SETD1B: variants seen among roughly 807,000 people sequenced by gnomAD.
SETD1B encodes the protein histone-lysine N-methyltransferase SETD1B.
Under a neutral mutation model 148.0 loss-of-function variants are expected in SETD1B, and 7 were observed. The ratio of observed to expected loss-of-function variants is 0.05; its 90% confidence interval spans 0.03 to 0.09. The LOEUF (loss-of-function observed/expected upper bound fraction) is 0.09, where lower values mean the gene tolerates loss of function less well. SETD1B is among the 10% of genes least tolerant of loss of function. SETD1B has a pLI of 1.00. For missense variants in SETD1B, 2,155 were observed against 2,729.9 expected (o/e 0.79, Z 4.69); for synonymous variants, 1,361 against 1,186.5 (o/e 1.15, Z -3.02).
At chr12:121,799,488 C>A (rs1384107220), upstream of SETD1B, 1 of 152,296 alleles carries the variant, frequency 6.6e-6, no homozygotes, top group Non-Finnish European at 1.5e-5. Context: ...GGGAAGGCCA[C>A]AGCACAGTTG....
At position 121,814,639 on chromosome 12, in the gene SETD1B, G is replaced by A. The variant is rs891118809; in HGVS notation, c.2424G>A (p.Gly808=). 1 of 1,547,608 alleles carries A rather than the reference G, an allele frequency of 6.5e-7. No individual in the cohort carries two copies. Among genetic ancestry groups the A allele is most frequent in the Non-Finnish European group, 8.7e-7 (1 of 1,145,454 alleles). ...CTGCGGCCGCCGCTGCCTCAGCTGGGCTCCAGTTTGTCAACCTGCCGCCCT... is the reference window on the plus strand; with the variant it reads ...CTGCGGCCGCCGCTGCCTCAGCTGGACTCCAGTTTGTCAACCTGCCGCCCT... ...MAAAAAAASA[G]LQFVNLPPYR... is the part of the protein sequence containing the mutation. Residue 808 remains glycine (G), a synonymous_variant, in exon 7 of 17, where the codon GGG becomes GGA. Coordinates refer to ENST00000604567, the MANE Select transcript of SETD1B (RefSeq NM_001353345.2).
At position 121,817,518 on chromosome 12, in the gene SETD1B, G is replaced by A. The variant is rs1350350243; in HGVS notation, c.3126G>A (p.Ser1042=). The change falls in exon 9 of 17, where the codon TCG becomes TCA. Residue 1042 remains serine, a synonymous_variant. Transcript: ENST00000604567. This position sits in a 1 kb window ranked among gnomAD's most constrained non-coding sequence, Gnocchi z 8.1. ...AGGAGGACGAGAAGGAGTCATTGTCGGCGTCCTCGTCCTCATCCGCGTCAT... is the reference window on the plus strand; with the variant it reads ...AGGAGGACGAGAAGGAGTCATTGTCAGCGTCCTCGTCCTCATCCGCGTCAT... ...GGEEDEKESL[S]ASSSSSASSS... is the part of the protein sequence containing the mutation. 1.0e-5 allele frequency: 16 copies of A among 1,551,340 alleles called. No individual in the cohort carries two copies. The highest frequency in any genetic ancestry group is 1.7e-4 in the Middle Eastern group (1 of 6,014).
At position 121,808,371 on chromosome 12, in the gene SETD1B, C is replaced by T. The variant is rs1055719058; in HGVS notation, c.657+51C>T. On this transcript the variant is annotated intron_variant, in intron 5 of 16. Coordinates refer to ENST00000604567, the MANE Select transcript of SETD1B (RefSeq NM_001353345.2). The surrounding 1 kb of genome is among the most constrained non-coding windows in gnomAD (Gnocchi z 5.3). ...CCATCGCCAGCTCTTTGATGTGCCC[C>T]CCACCTCTGGAAAGCCTCACCAACT... The T allele has an allele frequency of 4.7e-6, 6 of 1,278,318 alleles. No homozygotes were observed. The South Asian group carries it at 5.3e-5, about 11-fold the overall frequency. 79.2% of individuals were successfully genotyped at this position (1,278,318 alleles called of 1,614,324 possible). A position where few individuals can be genotyped will look rare whatever the true frequency, so the allele number is the denominator to read the frequency against.
the SETD1B span, chr12:121,793,957 C>T: frequency 9.4e-5 from 23 of 245,048 alleles, no homozygotes; most frequent in East Asian, 2.0e-3. Context: ...CGTGGCTGCC[C>T]AGCGACTCCA....
rs972563001 is a variant in SETD1B, at chr12:121,810,311, C to T, written c.1366C>T (p.Pro456Ser). 5.2e-6 allele frequency: 8 copies of T among 1,543,178 alleles called. No homozygotes were observed. The highest frequency in any genetic ancestry group is 3.9e-5 in the Admixed American group (2 of 50,938). Residue 456 changes from proline to serine, a missense_variant, in exon 6 of 17, where the codon CCC (proline) becomes TCC (serine). Around this residue, in one of 11 missense-constraint regions of SETD1B, gnomAD observed 376 missense variants for 385.0 expected, o/e 0.98. Transcript: ENST00000604567. This position sits in a 1 kb window ranked among gnomAD's most constrained non-coding sequence, Gnocchi z 7.6. ...EKPGTPPGPP[P>S]PDTNSMELGG... ...GCCAGGCACGCCACCCGGCCCGCCG[C>T]CCCCCGACACCAACAGCATGGAGCT... is the stretch of plus-strand genomic sequence containing the variant.
At chr12:121,829,298 T>TG (rs745698946) in intron 16 of SETD1B, among the ~76,000 whole-genome samples, 1 of 152,104 alleles carries the variant, frequency 6.6e-6, no homozygotes, top group African/African-American at 2.4e-5. Flanking sequence ...TGAGCAGTGA[T>TG]GGGGGCCTGA....
At chr12:121,811,710 T>C (rs1263035975) in intron 6 of SETD1B, among the ~76,000 whole-genome samples, 1 of 152,126 alleles carries the variant, frequency 6.6e-6, no homozygotes, top group Non-Finnish European at 1.5e-5. Context: ...TCTGCGTCCC[T>C]GTGGGCGGAG....
chr12:121,808,295 C>T lies in SETD1B; in HGVS notation c.632C>T (p.Ser211Phe). ...TLPVGELDAVSPIVNETLQLS... is the reference protein window; with the variant it reads ...TLPVGELDAVFPIVNETLQLS... ...CCAGTGGGCGAGCTGGACGCTGTCT[C>T]TCCAATCGTGAATGAGACCCTGCAG... Residue 211 changes from serine (S) to phenylalanine (F), a missense_variant, in exon 5 of 17, where the codon TCT (serine) becomes TTT (phenylalanine). Around this residue, in one of 11 missense-constraint regions of SETD1B, gnomAD observed 124 missense variants for 282.9 expected, o/e 0.44. Transcript: ENST00000604567. This position sits in a 1 kb window ranked among gnomAD's most constrained non-coding sequence, Gnocchi z 5.3. The T allele has an allele frequency of 1.3e-6, 2 of 1,550,904 alleles. No homozygotes were observed. The highest frequency in any genetic ancestry group is 1.7e-6 in the Non-Finnish European group (2 of 1,146,634).
intron 6 of SETD1B, among the ~76,000 whole-genome samples, chr12:121,813,732 C>G (rs1876148521): frequency 1.3e-5 from 2 of 152,188 alleles, no homozygotes; most frequent in South Asian, 4.1e-4. Context: ...TGCCTTCTTT[C>G]TCTCCCTCAC....
intron 10 of SETD1B, among the ~76,000 whole-genome samples, chr12:121,819,147 G>C (rs1417903989): frequency 6.6e-6 from 1 of 152,146 alleles, no homozygotes; most frequent in East Asian, 1.9e-4. Context: ...GGGAGGCTGA[G>C]GCAGGAGAAT....
intron 12 of SETD1B, 39 bp from the exon 13 acceptor site, chr12:121,825,161 G>C: frequency 6.5e-7 from 1 of 1,545,388 alleles, no homozygotes; most frequent in Non-Finnish European, 8.7e-7. Context: ...ACCAGAAGGG[G>C]CTCTCAGAAT....
chr12:121,790,307 C>G, the SETD1B span, among the ~76,000 whole-genome samples: 1 of 152,388 alleles, frequency 6.6e-6, no homozygotes, highest in Non-Finnish European at 1.5e-5. Context: ...CCTTCCGCCA[C>G]TGTGTGTGGC....
At position 121,825,385 on chromosome 12, in the gene SETD1B, G is replaced by C; in HGVS notation, c.5337+19G>C. On this transcript the variant is annotated intron_variant, in intron 13 of 16. Transcript: ENST00000604567. ...CACCCAGGTACTGCCAGGGCTCCTG[G>C]ACACATCAGAGCCTGCTGGGCTGGG... 2 of 1,544,872 alleles carry C rather than the reference G, an allele frequency of 1.3e-6. No individual in the cohort carries two copies. Among genetic ancestry groups the C allele is most frequent in the Non-Finnish European group, 1.7e-6 (2 of 1,145,994 alleles).
At chr12:121,827,478 C>A in intron 13 of SETD1B, 41 bp from the exon 14 acceptor site, 1 of 1,497,370 alleles carries the variant, frequency 6.7e-7, no homozygotes, top group Non-Finnish European at 8.9e-7. Context: ...CCGCCGAGGA[C>A]ACGGCCAGCT....
Position 121,827,865 on chromosome 12 carries a change from C to A in SETD1B, c.5589+11C>A. The A allele has an allele frequency of 6.4e-7, 1 of 1,555,278 alleles. No individual in the cohort carries two copies. The highest frequency in any genetic ancestry group is 1.7e-4 in the Middle Eastern group (1 of 6,002). ...CAGAATATCCGTCAGGTAGGCACCG[C>A]CCGGCAGGATGGGCACCGGGGTGGG... On this transcript the variant is annotated intron_variant, in intron 15 of 16. Coordinates refer to ENST00000604567, the MANE Select transcript of SETD1B (RefSeq NM_001353345.2).
intron 4 of SETD1B, among the ~76,000 whole-genome samples, chr12:121,807,472 G>T (rs1217506404): frequency 1.4e-5 from 2 of 146,798 alleles, no homozygotes; most frequent in African/African-American, 5.0e-5. Flanking sequence ...GAAAAGAAAA[G>T]AAAAGAAAAA....
chr12:121,825,079 G>A, intron 12 of SETD1B, 121 bp from the exon 13 acceptor site: 1 of 1,020,588 alleles, frequency 9.8e-7, no homozygotes, highest in Non-Finnish European at 1.4e-6. Flanking sequence ...TGGCATGGGA[G>A]TGGGCAGTAG....
chr12:121,821,222 G>A (rs776243570), intron 11 of SETD1B, among the ~76,000 whole-genome samples: 7 of 152,226 alleles, frequency 4.6e-5, no homozygotes, highest in Admixed American at 4.6e-4. Flanking sequence ...ATGCAACAGT[G>A]GACCAAACAG....
chr12:121,827,876 G>A, intron 15 of SETD1B, 22 bp downstream of exon 15: 1 of 1,553,564 alleles, frequency 6.4e-7, no homozygotes, highest in Non-Finnish European at 8.7e-7. Flanking sequence ...CCGGCAGGAT[G>A]GGCACCGGGG....
Sources: gnomAD v4.1 joint callset for allele counts (sites outside exome capture counted in the v4.1 genomes callset) on GRCh38, gnomAD v4.1.1 for gene constraint, gnomAD v4.1.1 regional missense constraint, Gnocchi (gnomAD v3.1) non-coding constraint, MANE v1.5 for transcripts, NCBI Gene and HGNC (gene_info 2026-07-23, HGNC 2026-07-21) for gene names.